Variants in MCMBP observed in about 807,000 individuals in gnomAD.
The protein encoded by MCMBP is minichromosome maintenance complex binding protein.
Under a neutral mutation model 81.3 loss-of-function variants are expected in MCMBP, and 31 were observed. That is an observed-to-expected ratio of 0.38 (90% CI 0.29 to 0.51). The LOEUF (loss-of-function observed/expected upper bound fraction) is 0.51, where lower values mean the gene tolerates loss of function less well. Ranked by LOEUF, MCMBP falls within the 20% of genes least tolerant of loss-of-function variation. The probability of loss-of-function intolerance (pLI) is 0.87; values close to 1 mark genes in which losing one functional copy is unlikely to be tolerated. For missense variants in MCMBP, 645 were observed against 772.1 expected, an observed-to-expected ratio of 0.84 and a Z score of 1.95; for synonymous variants, 267 against 275.9, an observed-to-expected ratio of 0.97 and a Z score of 0.32.
intron 8 of MCMBP, 124 bp from the exon 9 acceptor site, chr10:119,843,550 TA>T (rs1852512810): frequency 1.1e-6 from 1 of 883,880 alleles, no homozygotes; most frequent in Admixed American, 2.8e-5. Context: ...TACATCTCCT[TA>T]AAGAACAGAA....
intron 1 of MCMBP, among the ~76,000 whole-genome samples, chr10:119,871,699 C>T (rs1853680644): frequency 6.6e-6 from 1 of 152,136 alleles, no homozygotes; most frequent in African/African-American, 2.4e-5. Flanking sequence ...TCAGGTGTTG[C>T]CATCTACAGT....
chr10:119,839,898 C>A (rs1477035004), intron 11 of MCMBP, among the ~76,000 whole-genome samples: 1 of 152,142 alleles, frequency 6.6e-6, no homozygotes, highest in Admixed American at 6.5e-5. Flanking sequence ...TATACTTCAA[C>A]CAAAACCTGA....
In MCMBP at chr10:119,843,300, G is replaced by T; in HGVS notation, c.954C>A (p.Ile318=). ...TAAGGCAGGCAGGCAATAATGGGTT[G>T]ATGTGTTGCAACTTCTGGGCTAAGA... is the stretch of plus-strand genomic sequence containing the variant. ...HVILAQKLQH[I]NPLLPACLNK... is the part of the protein sequence containing the mutation. Residue 318 remains isoleucine (I), a synonymous_variant, in exon 9 of 16, where the codon ATC becomes ATA. Coordinates refer to ENST00000369077, the MANE Select transcript of MCMBP (RefSeq NM_001256378.2). 1 of 1,613,998 alleles carries T rather than the reference G, an allele frequency of 6.2e-7. No homozygotes were observed. Among genetic ancestry groups the T allele is most frequent in the South Asian group, 1.1e-5 (1 of 91,068 alleles).
At chr10:119,872,279 T>C (rs2134420430) in intron 1 of MCMBP, among the ~76,000 whole-genome samples, 1 of 151,672 alleles carries the variant, frequency 6.6e-6, no homozygotes, top group South Asian at 2.1e-4. Flanking sequence ...GCCCCACGAC[T>C]TCACCTTGGC....
intron 1 of MCMBP, among the ~76,000 whole-genome samples, chr10:119,872,310 G>C (rs1210390700): frequency 6.6e-6 from 1 of 151,976 alleles, no homozygotes; most frequent in African/African-American, 2.4e-5. Context: ...CTGCGACTCG[G>C]GCAGGTGGGA....
Position 119,859,234 on chromosome 10 carries a change from T to A in MCMBP, c.145-53A>T, listed in dbSNP as rs553487853. 1,036 of 1,535,084 alleles carry A rather than the reference T, an allele frequency of 6.7e-4. 2 individuals carry two copies. Among genetic ancestry groups the A allele is most frequent in the Non-Finnish European group, 6.9e-4 (770 of 1,123,582 alleles). On this transcript the variant is annotated intron_variant, in intron 2 of 15. Transcript: ENST00000369077. ...ACTAAATATCCTGTCTATACAACAT[T>A]AAGCATATATACACAAACTTTATAT... is the stretch of plus-strand genomic sequence containing the variant.
In MCMBP at chr10:119,841,112, G is replaced by GTA. The variant is rs1171214939; in HGVS notation, c.1125-154_1125-153dup. On this transcript the variant is annotated intron_variant, in intron 10 of 15. Transcript: ENST00000369077. ...TTTTATCAGAATAACAGCAATAAAAGTAATAGCCAATATTTGTACGTAAGT... is the reference window on the plus strand; with the variant it reads ...TTTTATCAGAATAACAGCAATAAAAGTATAATAGCCAATATTTGTACGTAAGT... 21 of 628,748 alleles carry GTA rather than the reference G, an allele frequency of 3.3e-5. No homozygotes were observed. The African/African-American group carries it at 3.9e-4, about 12-fold the overall frequency. The allele number at this position is 628,748 out of a possible 1,614,324, so 38.9% of individuals were successfully genotyped here. A position where few individuals can be genotyped will look rare whatever the true frequency, so the allele number is the denominator to read the frequency against.
At chr10:119,842,853 C>T (rs1852483188) in intron 9 of MCMBP, 1 of 387,618 alleles carries the variant, frequency 2.6e-6, no homozygotes, top group Non-Finnish European at 4.8e-6. Context: ...CAACCTCTGC[C>T]TCCAGTTCTC....
chr10:119,873,553 C>G (rs1853791709), upstream of MCMBP: 1 of 152,234 alleles, frequency 6.6e-6, no homozygotes, highest in African/African-American at 2.4e-5. Flanking sequence ...CTGCACTGCG[C>G]GCCGCTAGGA....
intron 7 of MCMBP, among the ~76,000 whole-genome samples, chr10:119,849,093 G>C (rs1852719169): frequency 6.6e-6 from 1 of 152,162 alleles, no homozygotes; most frequent in Non-Finnish European, 1.5e-5. Flanking sequence ...GGTCAGATGA[G>C]ATGTCAACAT....
chr10:119,869,510 T>G (rs1281985877), intron 1 of MCMBP, among the ~76,000 whole-genome samples: 1 of 148,888 alleles, frequency 6.7e-6, no homozygotes, highest in Non-Finnish European at 1.5e-5. Flanking sequence ...AGGCAGAGGC[T>G]GCAGTGAGCC....
In MCMBP at chr10:119,849,421, T is replaced by C. The variant is rs756274774; in HGVS notation, c.726+4A>G. The C allele has an allele frequency of 6.9e-6, 11 of 1,604,444 alleles. No individual in the cohort carries two copies. The highest frequency in any genetic ancestry group is 9.3e-6 in the Non-Finnish European group (11 of 1,177,400). On this transcript the variant is annotated splice_donor_region_variant and intron_variant, in intron 7 of 15. Coordinates refer to ENST00000369077, the MANE Select transcript of MCMBP (RefSeq NM_001256378.2). Reference sequence around the variant, plus strand: ...AGTGTTGGATCTACGAAAGGTTTTATTACCTTCACAAGGCATGCAGGGCCC... The same window carrying C: ...AGTGTTGGATCTACGAAAGGTTTTACTACCTTCACAAGGCATGCAGGGCCC...
chr10:119,843,135 C>A (rs1297307092), intron 9 of MCMBP, 119 bp downstream of exon 9: 1 of 1,117,410 alleles, frequency 8.9e-7, no homozygotes, highest in Non-Finnish European at 1.4e-6. Flanking sequence ...TTACTGAAAA[C>A]ACTTATTGTG....
intron 11 of MCMBP, among the ~76,000 whole-genome samples, chr10:119,840,586 AAG>A (rs1247487058): frequency 6.6e-6 from 1 of 152,242 alleles, no homozygotes; most frequent in Admixed American, 6.5e-5. Context: ...AATTGGTATC[AAG>A]AGAGTGTAAT....
At chr10:119,842,703 G>T in intron 9 of MCMBP, 108 bp from the exon 10 acceptor site, 1 of 1,222,630 alleles carries the variant, frequency 8.2e-7, no homozygotes, top group Non-Finnish European at 1.1e-6. Flanking sequence ...TCGACAGTAG[G>T]TAAAGCTTAA....
chr10:119,843,029 AGG>A, intron 9 of MCMBP: 1 of 487,940 alleles, frequency 2.0e-6, no homozygotes, highest in Admixed American at 3.1e-5. Flanking sequence ...CTAAGATTAC[AGG>A]CGTGAGCCAC....
chr10:119,831,129 C>A lies in MCMBP; in HGVS notation c.*345G>T, dbSNP rs539593699. 7.1e-4 allele frequency: 113 copies of A among 158,292 alleles called. 2 individuals carry two copies. In the South Asian group the frequency reaches 0.02, roughly 29 times the overall value. The allele number at this position is 158,292 out of a possible 1,614,324, so 9.8% of individuals were successfully genotyped here. ...ACTTTGAAACTGCAACAACCTTCTTCATTTCAGCATTTCAACAGTCTGGCC... is the reference window on the plus strand; with the variant it reads ...ACTTTGAAACTGCAACAACCTTCTTAATTTCAGCATTTCAACAGTCTGGCC... On this transcript the variant is annotated 3_prime_UTR_variant, in exon 16 of 16. Transcript: ENST00000369077.
At chr10:119,845,230 T>C (rs1292348156) in intron 8 of MCMBP, among the ~76,000 whole-genome samples, 1 of 152,224 alleles carries the variant, frequency 6.6e-6, no homozygotes, top group African/African-American at 2.4e-5. Context: ...TTTTGTTTTG[T>C]ACCATTTTTT....
intron 8 of MCMBP, among the ~76,000 whole-genome samples, chr10:119,847,375 T>A (rs145144288): frequency 6.6e-6 from 1 of 152,182 alleles, no homozygotes; most frequent in African/African-American, 2.4e-5. Context: ...TTAGGAAATG[T>A]TGACAAGCAG....
Sources: gnomAD v4.1 joint callset for allele counts (sites outside exome capture counted in the v4.1 genomes callset) on GRCh38, gnomAD v4.1.1 for gene constraint, MANE v1.5 for transcripts, NCBI Gene and HGNC (gene_info 2026-07-23, HGNC 2026-07-21) for gene names.